The following CSF2RB variants were observed in gnomAD, a reference collection of about 807,000 sequenced individuals.
CSF2RB encodes cytokine receptor common subunit beta.
Under a neutral mutation model 67.2 loss-of-function variants are expected in CSF2RB, and 22 were observed. The observed-to-expected ratio is 0.33, with a 90% CI of 0.23 to 0.47. The LOEUF (loss-of-function observed/expected upper bound fraction) is 0.47. Among genes scored for constraint, CSF2RB ranks in the 20% least tolerant of loss-of-function variants. The pLI, the probability that CSF2RB is intolerant of heterozygous loss-of-function variation, is 1.00. For synonymous variants in CSF2RB, 507 were observed against 482.9 expected (o/e 1.05, Z -0.65); for missense variants, 1,113 against 1,174.5 (o/e 0.95, Z 0.76).
chr22:36,937,602 C>T lies in CSF2RB; in HGVS notation c.1794C>T (p.His598=). ...ATGGGCCCTACCTGGGGCCGCCCCA[C>T]AGCCGCTCCCTACCTGACATCCTGG... ...DFNGPYLGPP[H]SRSLPDILGQ... is the part of the protein sequence containing the mutation. Residue 598 remains histidine, a synonymous_variant, in exon 14 of 14, where the codon CAC becomes CAT. Transcript: ENST00000403662. The surrounding 1 kb of genome is among the most constrained non-coding windows in gnomAD (Gnocchi z 4.6). 6.3e-7 allele frequency: 1 copy of T among 1,583,776 alleles called. No homozygotes were observed. The highest frequency in any genetic ancestry group is 8.6e-7 in the Non-Finnish European group (1 of 1,164,970).
intron 3 of CSF2RB, 27 bp from the exon 4 acceptor site, chr22:36,925,960 G>A (rs372051368): frequency 2.2e-5 from 35 of 1,613,468 alleles, no homozygotes; most frequent in Admixed American, 8.3e-5. Context: ...CATACACCCT[G>A]GGCTAAGCCG....
Position 36,939,495 on chromosome 22 carries a change from C to A in CSF2RB, c.*993C>A. 1 of 467,952 alleles carries A rather than the reference C, an allele frequency of 2.1e-6. No homozygotes were observed. The highest frequency in any genetic ancestry group is 3.4e-5 in the East Asian group (1 of 29,010). The allele number at this position is 467,952 out of a possible 1,614,324, so 29.0% of individuals were successfully genotyped here. On this transcript the variant is annotated 3_prime_UTR_variant, in exon 14 of 14. Transcript: ENST00000403662. ...AGGGGCTGCTGATCTATGCCTGGGCCTGCACCAGGGATTATGGTTCTTTTA... is the reference window on the plus strand; with the variant it reads ...AGGGGCTGCTGATCTATGCCTGGGCATGCACCAGGGATTATGGTTCTTTTA...
chr22:36,935,832 C>T (rs1938013367), intron 12 of CSF2RB, 145 bp downstream of exon 12: 3 of 906,332 alleles, frequency 3.3e-6, no homozygotes, highest in Middle Eastern at 4.5e-4. Flanking sequence ...GGGAGTGGGG[C>T]CAGCACTTGG....
Position 36,929,435 on chromosome 22 carries a change from G to A in CSF2RB, c.425G>A (p.Ser142Asn), listed in dbSNP as rs1941099439. Residue 142 changes from serine (S) to asparagine (N), a missense_variant, in exon 5 of 14, where the codon AGC (serine) becomes AAC (asparagine). Around this residue, in one of 2 missense-constraint regions of CSF2RB, gnomAD observed 559 missense variants for 656.5 expected, o/e 0.85. Transcript: ENST00000403662. ...QPPEPRDLQI[S>N]TDQDHFLLTW... is the part of the protein sequence containing the mutation. ...CCTGAGCCCAGGGACCTGCAGATCA[G>A]CACCGACCAGGACCACTTCCTGCTG... The A allele has an allele frequency of 1.2e-6, 2 of 1,614,192 alleles. No homozygotes were observed. The highest frequency in any genetic ancestry group is 4.5e-5 in the East Asian group (2 of 44,872).
intron 1 of CSF2RB, among the ~76,000 whole-genome samples, chr22:36,915,816 G>A (rs60175411): frequency 0.21 from 31,380 of 152,064 alleles, 3,558 homozygotes; most frequent in East Asian, 0.36. Context: ...CCAATATTAT[G>A]TATGGAAATT....
intron 1 of CSF2RB, among the ~76,000 whole-genome samples, chr22:36,919,531 A>G (rs1166168330): frequency 6.6e-6 from 1 of 150,738 alleles, no homozygotes; most frequent in Non-Finnish European, 1.5e-5. Context: ...CCTCCAGAAT[A>G]GTTGGGATTA....
At chr22:36,922,434 C>T in intron 2 of CSF2RB, 151 bp downstream of exon 2, 1 of 710,232 alleles carries the variant, frequency 1.4e-6, no homozygotes, top group Non-Finnish European at 2.5e-6. Context: ...CTGGGCCTCC[C>T]CCGCTTCCCT....
intron 2 of CSF2RB, among the ~76,000 whole-genome samples, 158 bp downstream of exon 2, chr22:36,922,441 C>T (rs1194440138): frequency 6.6e-6 from 1 of 152,178 alleles, no homozygotes; most frequent in Non-Finnish European, 1.5e-5. Flanking sequence ...TCCCCCGCTT[C>T]CCTCCTCCTG....
At chr22:36,925,965 A>G (rs780897562) in intron 3 of CSF2RB, 22 bp from the exon 4 acceptor site, 1 of 1,613,980 alleles carries the variant, frequency 6.2e-7, no homozygotes, top group Non-Finnish European at 8.5e-7. Context: ...ACCCTGGGCT[A>G]AGCCGTGTCC....
In CSF2RB at chr22:36,928,982, G is replaced by A. The variant is rs559936560; in HGVS notation, c.392-420G>A. On this transcript the variant is annotated intron_variant, in intron 4 of 13. Transcript: ENST00000403662. ...TTCCTAGAGCCGGAGGCATTTGCCC[G>A]GGGCACTGACAACAGGAAGGACCCT... Among the ~76,000 whole-genome samples the A allele has an allele frequency of 5.3e-5, 8 of 152,232 alleles. No homozygotes were observed. In the South Asian group the frequency reaches 6.2e-4, roughly 12 times the overall value.
intron 8 of CSF2RB, among the ~76,000 whole-genome samples, chr22:36,931,956 A>G (rs1941153772): frequency 6.6e-6 from 1 of 152,192 alleles, no homozygotes; most frequent in South Asian, 2.1e-4. Flanking sequence ...AGCCCATCAC[A>G]CTGGTGGGAT....
At position 36,937,721 on chromosome 22, in the gene CSF2RB, A is replaced by C. The variant is rs1291810903; in HGVS notation, c.1913A>C (p.Gln638Pro). ...TGTCTGCCTGCTGGGGGGCAGGTGC[A>C]ACTGGTCCCTCTGGCCCAGGCGATG... ...YLCLPAGGQV[Q>P]LVPLAQAMGP... is the part of the protein sequence containing the mutation. The change falls in exon 14 of 14, where the codon CAA becomes CCA. Residue 638 changes from glutamine (Q) to proline (P), a missense_variant. Physicochemically the swap from Gln to Pro is moderately conservative, Grantham distance 76. Transcript: ENST00000403662. This position sits in a 1 kb window ranked among gnomAD's most constrained non-coding sequence, Gnocchi z 4.6. 1.3e-6 allele frequency: 2 copies of C among 1,557,830 alleles called. No individual in the cohort carries two copies. Among genetic ancestry groups the C allele is most frequent in the Non-Finnish European group, 8.7e-7 (1 of 1,150,510 alleles).
At chr22:36,928,488 G>C (rs184370538) in intron 4 of CSF2RB, among the ~76,000 whole-genome samples, 3 of 152,140 alleles carry the variant, frequency 2.0e-5, no homozygotes, top group South Asian at 2.1e-4. Flanking sequence ...ACATGCTCTA[G>C]CATGCCATAA....
Position 36,925,740 on chromosome 22 carries a change from C to G in CSF2RB, c.201-247C>G, listed in dbSNP as rs13054877. 0.053 allele frequency among the ~76,000 whole-genome samples: 8,038 copies of G among 152,264 alleles called. 278 individuals carry two copies. The highest frequency in any genetic ancestry group is 0.11 in the Middle Eastern group (31 of 294). On this transcript the variant is annotated intron_variant, in intron 3 of 13. Coordinates refer to ENST00000403662, the MANE Select transcript of CSF2RB (RefSeq NM_000395.3). The stretch of plus-strand genomic sequence containing the variant: ...TTGCCTCCCTGGCCCAGCCCTTCCT[C>G]CCTCCTCACCTGCTTCTTGCTTTAT...
chr22:36,926,247 A>G (rs959748683), intron 4 of CSF2RB, 70 bp downstream of exon 4: 2 of 1,502,344 alleles, frequency 1.3e-6, no homozygotes, highest in African/African-American at 2.8e-5. Flanking sequence ...GGGGTGGTCC[A>G]GGGAGTCTTC....
intron 1 of CSF2RB, among the ~76,000 whole-genome samples, chr22:36,917,759 C>T (rs1940757203): frequency 6.6e-6 from 1 of 152,066 alleles, no homozygotes; most frequent in Non-Finnish European, 1.5e-5. Context: ...CCAGCCTCTA[C>T]TAAAGATACA....
chr22:36,936,458 C>G (rs1941267718), intron 12 of CSF2RB, 91 bp from the exon 13 acceptor site: 1 of 993,316 alleles, frequency 1.0e-6, no homozygotes. Context: ...CTGGGGGCTC[C>G]TTGAATCCTC....
rs746850736 is a variant in CSF2RB at position 36,938,519 on chromosome 22, C to G, written c.*17C>G. On this transcript the variant is annotated 3_prime_UTR_variant, in exon 14 of 14. Transcript: ENST00000403662. ...GTGTGTTGAGACCCCCAGGCCTAGA[C>G]AGGCAAGGGGATGGAGAGGGCTTGC... 2 of 1,602,454 alleles carry G rather than the reference C, an allele frequency of 1.2e-6. No homozygotes were observed. Among genetic ancestry groups the G allele is most frequent in the African/African-American group, 1.3e-5 (1 of 74,540 alleles).
chr22:36,922,207 G>T lies in CSF2RB; in HGVS notation c.-1G>T. ...CTGCCTGTCCAGAGCTGACCAGGGA[G>T]ATGGTGCTGGCCCAGGGGCTGCTCT... On this transcript the variant is annotated 5_prime_UTR_variant, in exon 2 of 14. Coordinates refer to ENST00000403662, the MANE Select transcript of CSF2RB (RefSeq NM_000395.3). The T allele has an allele frequency of 6.3e-7, 1 of 1,585,650 alleles. No individual in the cohort carries two copies. The highest frequency in any genetic ancestry group is 8.6e-7 in the Non-Finnish European group (1 of 1,166,578).
Sources: allele counts gnomAD v4.1 joint callset (sites outside exome capture counted in the v4.1 genomes callset), GRCh38; gene constraint gnomAD v4.1.1; regional missense constraint gnomAD v4.1.1; non-coding constraint Gnocchi (gnomAD v3.1); transcripts MANE v1.5; gene names NCBI Gene and HGNC (gene_info 2026-07-23, HGNC 2026-07-21).